The following IDH2 variants were observed in gnomAD, a reference collection of about 807,000 sequenced individuals.
IDH2 encodes isocitrate dehydrogenase (NADP(+)) 2.
In IDH2, 18 loss-of-function variants were observed where a neutral mutation model predicts 50.5. The observed-to-expected ratio is 0.36, with a 90% CI of 0.25 to 0.53. The LOEUF is 0.53. Ranked by LOEUF, IDH2 falls within the 20% of genes least tolerant of loss-of-function variation. The pLI is 0.92. For missense variants in IDH2, 518 were observed against 610.7 expected, an observed-to-expected ratio of 0.85 and a Z score of 1.60; for synonymous variants, 280 against 239.8, an observed-to-expected ratio of 1.17 and a Z score of -1.55.
chr15:90,087,284 T>TA (rs1900885041), intron 6 of IDH2, 21 bp from the exon 7 acceptor site: 1 of 1,613,994 alleles, frequency 6.2e-7, no homozygotes, highest in South Asian at 1.1e-5. Context: ...AAAGGTCTGT[T>TA]ATGGGGAGAG....
chr15:90,087,450 C>A lies in IDH2; in HGVS notation c.804G>T (p.Glu268Asp). Residue 268 changes from glutamate (E) to aspartate (D), a missense_variant, in exon 6 of 11, where the codon GAG becomes GAT. Transcript: ENST00000330062. ...YDGRFKDIFQ[E>D]IFDKHYKTDF... ...GGATGAGGCTTTACTTGTCAAAGAT[C>A]TCCTGGAAGATGTCCTTGAAACGCC... 6.2e-7 allele frequency: 1 copy of A among 1,614,210 alleles called. No homozygotes were observed. Among genetic ancestry groups the A allele is most frequent in the East Asian group, 2.2e-5 (1 of 44,888 alleles).
At chr15:90,101,396 AG>A (rs1398569506) in intron 1 of IDH2, among the ~76,000 whole-genome samples, 2 of 152,128 alleles carry the variant, frequency 1.3e-5, no homozygotes, top group Admixed American at 6.5e-5. Context: ...AGCCAGGGTG[AG>A]GGGGCAGGCC....
chr15:90,097,247 G>A (rs908519613), intron 1 of IDH2, among the ~76,000 whole-genome samples: 76 of 152,286 alleles, frequency 5.0e-4, no homozygotes, highest in Middle Eastern at 3.4e-3. Context: ...TCACATTCAT[G>A]TAACTTTCAT....
chr15:90,098,688 C>T lies in IDH2; in HGVS notation c.115+3588G>A, dbSNP rs1008744557. ...GCCCCTGAGTAGCTGGGACTACAGGCGCCTGCCACCACACCCAGCTAATTT... is the reference window on the plus strand; with the variant it reads ...GCCCCTGAGTAGCTGGGACTACAGGTGCCTGCCACCACACCCAGCTAATTT... On this transcript the variant is annotated intron_variant, in intron 1 of 10. Transcript: ENST00000330062. The surrounding 1 kb of genome is among the most constrained non-coding windows in gnomAD (Gnocchi z 5.1). Among the ~76,000 whole-genome samples, 5 of 152,074 alleles carry T rather than the reference C, an allele frequency of 3.3e-5. No homozygotes were observed. Among genetic ancestry groups the T allele is most frequent in the South Asian group, 2.1e-4 (1 of 4,826 alleles).
At chr15:90,095,472 T>TTAAA (rs765273651) in intron 1 of IDH2, among the ~76,000 whole-genome samples, 1 of 143,444 alleles carries the variant, frequency 7.0e-6, no homozygotes, top group East Asian at 2.0e-4. Flanking sequence ...TCAAATTTGT[T>TTAAA]AAAAAAAAAA....
At chr15:90,092,613 T>A (rs1212291508) in intron 1 of IDH2, among the ~76,000 whole-genome samples, 1 of 151,480 alleles carries the variant, frequency 6.6e-6, no homozygotes, top group Admixed American at 6.6e-5. Context: ...TTCGCTATTG[T>A]CCCCCAGGGT....
chr15:90,093,641 CAG>C (rs1372274633), intron 1 of IDH2, among the ~76,000 whole-genome samples: 2 of 150,126 alleles, frequency 1.3e-5, no homozygotes, highest in African/African-American at 2.4e-5. Context: ...TTTTTTGAGA[CAG>C]AGTCTTTGGT....
At chr15:90,092,722 G>A (rs140758923) in intron 1 of IDH2, among the ~76,000 whole-genome samples, 203 of 152,212 alleles carry the variant, frequency 1.3e-3, no homozygotes, top group Non-Finnish European at 2.7e-3. Context: ...GATTTCAGGT[G>A]TGCACCACAA....
chr15:90,089,469 GCT>G (rs1900974090), intron 3 of IDH2, among the ~76,000 whole-genome samples: 1 of 152,148 alleles, frequency 6.6e-6, no homozygotes, highest in African/African-American at 2.4e-5. Flanking sequence ...CACTCCACAT[GCT>G]CCGGTCCTGG....
At position 90,091,543 on chromosome 15, in the gene IDH2, G is replaced by A. The variant is rs766064049; in HGVS notation, c.207+10C>T. Reference sequence around the variant, plus strand: ...CCTGGAGAGCCACCCACTTCAGGAGGGGGCACTACCTTCTCCTTGATGAAC... The same window carrying A: ...CCTGGAGAGCCACCCACTTCAGGAGAGGGCACTACCTTCTCCTTGATGAAC... On this transcript the variant is annotated intron_variant, in intron 2 of 10. Coordinates refer to ENST00000330062, the MANE Select transcript of IDH2 (RefSeq NM_002168.4). 3.1e-6 allele frequency: 5 copies of A among 1,608,124 alleles called. No individual in the cohort carries two copies. Among genetic ancestry groups the A allele is most frequent in the South Asian group, 1.1e-5 (1 of 90,952 alleles).
rs1442258630 is a variant in IDH2 at position 90,100,687 on chromosome 15, TCTTTC to T, written c.115+1584_115+1588del. On this transcript the variant is annotated intron_variant, in intron 1 of 10. Transcript: ENST00000330062. The surrounding 1 kb of genome is among the most constrained non-coding windows in gnomAD (Gnocchi z 4.1). ...CGGGGCTCTTTTAGCCCCAAAATATTCTTTCCTTGTCATCAAGGGGAATGCCAAGT... is the reference window on the plus strand; with the variant it reads ...CGGGGCTCTTTTAGCCCCAAAATATTCTTGTCATCAAGGGGAATGCCAAGT... 1.0e-6 allele frequency: 1 copy of T among 979,410 alleles called. No individual in the cohort carries two copies. The highest frequency in any genetic ancestry group is 1.8e-5 in the African/African-American group (1 of 57,060). 60.7% of individuals were successfully genotyped at this position (979,410 alleles called of 1,614,324 possible).
chr15:90,088,213 T>A, intron 5 of IDH2, 146 bp downstream of exon 5: 1 of 1,064,204 alleles, frequency 9.4e-7, no homozygotes. Context: ...ATTACAAGTG[T>A]CAGCCACCAT....
intron 5 of IDH2, among the ~76,000 whole-genome samples, chr15:90,087,864 T>C (rs1475858175): frequency 1.4e-5 from 2 of 144,436 alleles, no homozygotes; most frequent in Non-Finnish European, 3.0e-5. Context: ...TTAGACTACA[T>C]GTGGCTGGGG....
intron 1 of IDH2, among the ~76,000 whole-genome samples, chr15:90,095,408 G>A (rs1209631069): frequency 6.6e-6 from 1 of 151,550 alleles, no homozygotes; most frequent in Non-Finnish European, 1.5e-5. Context: ...AGCTGTTGCA[G>A]AGCTAGTTTA....
Position 90,098,228 on chromosome 15 carries a change from C to T in IDH2, c.115+4048G>A, listed in dbSNP as rs771005352. On this transcript the variant is annotated intron_variant, in intron 1 of 10. Transcript: ENST00000330062. This position sits in a 1 kb window ranked among gnomAD's most constrained non-coding sequence, Gnocchi z 5.1. ...GGAATTACACCAGTCACCAGAGGCA[C>T]GTTAGGCTGACTCTCCTCCCTGTCT... 4.6e-5 allele frequency among the ~76,000 whole-genome samples: 7 copies of T among 152,328 alleles called. No individual in the cohort carries two copies. Among genetic ancestry groups the T allele is most frequent in the East Asian group, 3.9e-4 (2 of 5,182 alleles).
In IDH2 at chr15:90,087,476, C is replaced by T; in HGVS notation, c.778G>A (p.Gly260Arg). Residue 260 changes from glycine (G) to arginine (R), a missense_variant, in exon 6 of 11, where the codon GGG becomes AGG. Gly to Arg is a moderately radical substitution (Grantham distance 125, BLOSUM62 -2). Coordinates refer to ENST00000330062, the MANE Select transcript of IDH2 (RefSeq NM_002168.4). ...TKNTILKAYD[G>R]RFKDIFQEIF... Reference sequence around the variant, plus strand: ...TCCTGGAAGATGTCCTTGAAACGCCCATCGTAGGCTTTCAGTATGGTGTTC... The same window carrying T: ...TCCTGGAAGATGTCCTTGAAACGCCTATCGTAGGCTTTCAGTATGGTGTTC... 1 of 1,614,220 alleles carries T rather than the reference C, an allele frequency of 6.2e-7. No individual in the cohort carries two copies. Among genetic ancestry groups the T allele is most frequent in the African/African-American group, 1.3e-5 (1 of 75,062 alleles).
At chr15:90,094,794 G>T (rs943381336) in intron 1 of IDH2, among the ~76,000 whole-genome samples, 1 of 152,030 alleles carries the variant, frequency 6.6e-6, no homozygotes, top group Non-Finnish European at 1.5e-5. Context: ...CCCAGCTACC[G>T]AGGAGGCTGA....
chr15:90,102,236 G>A, intron 1 of IDH2, 40 bp downstream of exon 1: 1 of 891,630 alleles, frequency 1.1e-6, no homozygotes, highest in Non-Finnish European at 1.5e-6. Context: ...CGTCGCAGCT[G>A]GGGGCGCGCG....
In IDH2 at chr15:90,084,678, C is replaced by T; in HGVS notation, c.1271+138G>A. On this transcript the variant is annotated intron_variant, in intron 10 of 10. Transcript: ENST00000330062. The surrounding 1 kb of genome is among the most constrained non-coding windows in gnomAD (Gnocchi z 5.0). ...CCTGGTCTACAGAGGCTGGCCTGAG[C>T]AGTCTCTCAGGGCTGTGGACATGTC... 1.3e-6 allele frequency: 1 copy of T among 776,172 alleles called. No individual in the cohort carries two copies. The highest frequency in any genetic ancestry group is 2.3e-6 in the Non-Finnish European group (1 of 442,396). The allele number at this position is 776,172 out of a possible 1,614,324, so 48.1% of individuals were successfully genotyped here.
Sources: allele counts gnomAD v4.1 joint callset (sites outside exome capture counted in the v4.1 genomes callset), GRCh38; gene constraint gnomAD v4.1.1; non-coding constraint Gnocchi (gnomAD v3.1); transcripts MANE v1.5; gene names NCBI Gene and HGNC (gene_info 2026-07-23, HGNC 2026-07-21).